Variants in DNAH12 observed in about 807,000 individuals in gnomAD.
DNAH12 encodes the protein axonemal beta dynein heavy chain 12.
In DNAH12, 285 loss-of-function variants were observed where a neutral mutation model predicts 371.5. The observed-to-expected ratio is 0.77, with a 90% CI of 0.70 to 0.85. The LOEUF (loss-of-function observed/expected upper bound fraction) is 0.85, where lower values mean the gene tolerates loss of function less well. Among genes scored for constraint, DNAH12 ranks in the 40% least tolerant of loss-of-function variants. The probability of loss-of-function intolerance (pLI) is 0.00; values close to 1 mark genes in which losing one functional copy is unlikely to be tolerated. For synonymous variants in DNAH12, 1,200 were observed against 1,213.0 expected, an observed-to-expected ratio of 0.99 and a Z score of 0.22; for missense variants, 3,611 against 3,689.4, an observed-to-expected ratio of 0.98 and a Z score of 0.55.
chr3:57,442,902 G>C (rs934963374), intron 29 of DNAH12, among the ~76,000 whole-genome samples: 4 of 152,112 alleles, frequency 2.6e-5, no homozygotes, highest in Non-Finnish European at 5.9e-5. Flanking sequence ...AAAAGATTTT[G>C]CAGTCATATC....
At chr3:57,314,712 C>A (rs1348392422) in intron 65 of DNAH12, 81 bp from the exon 66 acceptor site, 6 of 1,396,722 alleles carry the variant, frequency 4.3e-6, no homozygotes, top group Middle Eastern at 2.1e-4. Flanking sequence ...GATAAATGAT[C>A]TTTCTCACAA....
chr3:57,343,675 T>C (rs1183770538), intron 60 of DNAH12, among the ~76,000 whole-genome samples: 1 of 152,140 alleles, frequency 6.6e-6, no homozygotes, highest in Non-Finnish European at 1.5e-5. Context: ...GGGGAAAGCC[T>C]CTTGCAGTTG....
chr3:57,438,060 G>A (rs2065184043), intron 29 of DNAH12, among the ~76,000 whole-genome samples: 1 of 152,166 alleles, frequency 6.6e-6, no homozygotes, highest in African/African-American at 2.4e-5. Flanking sequence ...TGTAATCCCA[G>A]CACTTTGGGA....
intron 72 of DNAH12, 76 bp from the exon 73 acceptor site, chr3:57,295,668 T>C: frequency 1.5e-6 from 2 of 1,313,844 alleles, no homozygotes; most frequent in Non-Finnish European, 2.1e-6. Context: ...TACTTAGATA[T>C]TGGCTTTTAC....
At chr3:57,368,860 CT>C (rs2063106420) in intron 55 of DNAH12, among the ~76,000 whole-genome samples, 1 of 152,086 alleles carries the variant, frequency 6.6e-6, no homozygotes, top group Non-Finnish European at 1.5e-5. Context: ...ATGATGCTGA[CT>C]GTCCTAGGTT....
rs1051986745 is a variant in DNAH12 at position 57,542,158 on chromosome 3, G to T, written c.170+543C>A. ...TTAGTTTTAATTTCCACTAAACTGG[G>T]GGGGGGGGGGGCGGTGAGTAGGATG... On this transcript the variant is annotated intron_variant, in intron 2 of 73. Transcript: ENST00000495027. Among the ~76,000 whole-genome samples, 103 of 18,212 alleles carry T rather than the reference G, an allele frequency of 5.7e-3. 3 individuals carry two copies. The highest frequency in any genetic ancestry group is 9.6e-3 in the African/African-American group (92 of 9,624). The allele number at this position is 18,212 out of a possible 152,430, so 11.9% of individuals were successfully genotyped here.
intron 58 of DNAH12, among the ~76,000 whole-genome samples, chr3:57,359,519 A>T (rs1316095218): frequency 7.1e-6 from 1 of 141,824 alleles, no homozygotes; most frequent in Admixed American, 7.7e-5. Flanking sequence ...AGATTGCGCC[A>T]TTGCACTCCA....
chr3:57,362,611 T>C (rs1327032902), intron 58 of DNAH12, among the ~76,000 whole-genome samples: 2 of 152,352 alleles, frequency 1.3e-5, no homozygotes, highest in African/African-American at 2.4e-5. Context: ...ATTTCTCAGA[T>C]GGCCAGTGAT....
intron 2 of DNAH12, among the ~76,000 whole-genome samples, chr3:57,539,119 T>C (rs771786221): frequency 9.2e-5 from 14 of 152,216 alleles, no homozygotes; most frequent in Non-Finnish European, 1.9e-4. Context: ...TATGCTACTG[T>C]AGTGGCATCC....
intron 1 of DNAH12, among the ~76,000 whole-genome samples, chr3:57,543,991 G>A (rs1166433790): frequency 6.6e-6 from 1 of 152,122 alleles, no homozygotes; most frequent in Non-Finnish European, 1.5e-5. Context: ...AGGTTGCAGT[G>A]AGCTGAGATC....
At position 57,429,925 on chromosome 3, in the gene DNAH12, C is replaced by A. The variant is rs569738507; in HGVS notation, c.4981-151G>T. ...AGAAAATCTTAATTCTAGGTCTAGC[C>A]CTGTTAATTATTAAGTATTTAAGCA... On this transcript the variant is annotated intron_variant, in intron 32 of 73. Transcript: ENST00000495027. Among the ~76,000 whole-genome samples, 7 of 151,912 alleles carry A rather than the reference C, an allele frequency of 4.6e-5. No homozygotes were observed. The South Asian group carries it at 1.5e-3, about 32-fold the overall frequency.
At chr3:57,515,961 TCTTA>T (rs2068175925) in intron 4 of DNAH12, among the ~76,000 whole-genome samples, 2 of 151,540 alleles carry the variant, frequency 1.3e-5, no homozygotes, top group African/African-American at 4.8e-5. Flanking sequence ...TTCTTTTGTC[TCTTA>T]CTTTTATTTT....
At chr3:57,435,070 T>C (rs2065076181) in intron 30 of DNAH12, among the ~76,000 whole-genome samples, 1 of 152,180 alleles carries the variant, frequency 6.6e-6, no homozygotes, top group Non-Finnish European at 1.5e-5. Context: ...TATCACATTA[T>C]TAAAACCTAT....
chr3:57,470,992 C>T (rs1443140352), intron 15 of DNAH12, among the ~76,000 whole-genome samples: 1 of 152,142 alleles, frequency 6.6e-6, no homozygotes, highest in Non-Finnish European at 1.5e-5. Flanking sequence ...CAGGAGTGAG[C>T]CACTGCGCCT....
At chr3:57,355,161 A>C (rs2062769394) in intron 59 of DNAH12, among the ~76,000 whole-genome samples, 1 of 152,088 alleles carries the variant, frequency 6.6e-6, no homozygotes, top group South Asian at 2.1e-4. Context: ...ATTATTTCTC[A>C]TAATTGCATG....
chr3:57,542,617 C>T, intron 2 of DNAH12, 84 bp downstream of exon 2: 1 of 1,433,954 alleles, frequency 7.0e-7, no homozygotes, highest in Non-Finnish European at 9.2e-7. Context: ...ACAACCTCCA[C>T]AGTTAAAACT....
intron 68 of DNAH12, 26 bp from the exon 69 acceptor site, chr3:57,309,280 C>A (rs1442599869): frequency 1.3e-6 from 2 of 1,502,058 alleles, no homozygotes; most frequent in South Asian, 1.3e-5. Context: ...TTGAAGATCA[C>A]AAATTATTCT....
At chr3:57,449,961 A>G (rs985214444) in intron 25 of DNAH12, among the ~76,000 whole-genome samples, 4 of 152,166 alleles carry the variant, frequency 2.6e-5, no homozygotes, top group Non-Finnish European at 5.9e-5. Flanking sequence ...GTTTAATATG[A>G]TCCCGGGTGG....
At chr3:57,442,562 T>A in intron 29 of DNAH12, among the ~76,000 whole-genome samples, 1 of 152,124 alleles carries the variant, frequency 6.6e-6, no homozygotes, top group African/African-American at 2.4e-5. Context: ...GTGATAAACA[T>A]TTTTTGAAAT....
Sources: allele counts gnomAD v4.1 joint callset (sites outside exome capture counted in the v4.1 genomes callset), GRCh38; gene constraint gnomAD v4.1.1; transcripts MANE v1.5; gene names NCBI Gene and HGNC (gene_info 2026-07-23, HGNC 2026-07-21).